FER: variants seen among roughly 807,000 people sequenced by gnomAD.
FER encodes tyrosine-protein kinase Fer.
A neutral mutation model predicts 111.0 loss-of-function variants in FER; 63 were observed. That is an observed-to-expected ratio of 0.57 (90% CI 0.46 to 0.70). The LOEUF (loss-of-function observed/expected upper bound fraction) is 0.70. Among genes scored for constraint, FER ranks in the 30% least tolerant of loss-of-function variants. The pLI, the probability that FER is intolerant of heterozygous loss-of-function variation, is 0.00. For missense variants in FER, 914 were observed against 954.0 expected, an observed-to-expected ratio of 0.96 and a Z score of 0.55; for synonymous variants, 327 against 313.9, an observed-to-expected ratio of 1.04 and a Z score of -0.44.
At chr5:109,008,636 T>C (rs1445193151) in intron 13 of FER, among the ~76,000 whole-genome samples, 1 of 152,194 alleles carries the variant, frequency 6.6e-6, no homozygotes, top group Admixed American at 6.5e-5. Flanking sequence ...AAAAAATATT[T>C]TGCGTATTTC....
intron 13 of FER, among the ~76,000 whole-genome samples, chr5:108,983,504 T>G (rs1762229790): frequency 6.6e-6 from 1 of 152,120 alleles, no homozygotes; most frequent in South Asian, 2.1e-4. Context: ...ATGAAATATA[T>G]GTAAAGTAGT....
intron 5 of FER, among the ~76,000 whole-genome samples, chr5:108,848,513 A>G (rs1762243120): frequency 1.3e-5 from 2 of 152,112 alleles, no homozygotes; most frequent in South Asian, 2.1e-4. Context: ...GTAATTTACT[A>G]TAATATACCT....
chr5:108,817,043 G>A (rs1233794573), intron 3 of FER, among the ~76,000 whole-genome samples: 3 of 133,142 alleles, frequency 2.3e-5, no homozygotes, highest in East Asian at 5.2e-4. Flanking sequence ...GGCAGAGGTT[G>A]CAGTTAGCAG....
chr5:108,914,481 A>G (rs947789785), intron 10 of FER, among the ~76,000 whole-genome samples: 2 of 152,186 alleles, frequency 1.3e-5, no homozygotes, highest in Admixed American at 6.5e-5. Flanking sequence ...AAAGTGTTGT[A>G]TTCTTCAGAT....
At chr5:109,069,364 A>C (rs1339807136) in intron 16 of FER, among the ~76,000 whole-genome samples, 1 of 152,218 alleles carries the variant, frequency 6.6e-6, no homozygotes, top group African/African-American at 2.4e-5. Flanking sequence ...AAGTTAGACG[A>C]CACATGGATA....
chr5:108,822,315 G>A (rs1234636675), intron 3 of FER, among the ~76,000 whole-genome samples: 1 of 152,076 alleles, frequency 6.6e-6, no homozygotes, highest in Non-Finnish European at 1.5e-5. Context: ...AATAATGCCT[G>A]TCCTAGTCCA....
rs1309353055 is a variant in FER at position 109,025,229 on chromosome 5, A to G, written c.1657-12193A>G. On this transcript the variant is annotated intron_variant, in intron 13 of 19. Coordinates refer to ENST00000281092, the MANE Select transcript of FER (RefSeq NM_005246.4). Reference sequence around the variant, plus strand: ...CTTGGGCAGTATGGCCATTTTCATGATATTGATTCTTCCTACCCATGAACA... The same window carrying G: ...CTTGGGCAGTATGGCCATTTTCATGGTATTGATTCTTCCTACCCATGAACA... Among the ~76,000 whole-genome samples, 10 of 151,986 alleles carry G rather than the reference A, an allele frequency of 6.6e-5. No individual in the cohort carries two copies. In the East Asian group the frequency reaches 1.7e-3, roughly 26 times the overall value.
intron 13 of FER, among the ~76,000 whole-genome samples, chr5:108,996,321 C>A (rs1763972524): frequency 6.6e-6 from 1 of 152,140 alleles, no homozygotes; most frequent in South Asian, 2.1e-4. Context: ...GTGTTTTAGT[C>A]CTGAAGTCTT....
chr5:108,820,511 T>C, intron 3 of FER: 1 of 985,402 alleles, frequency 1.0e-6, no homozygotes, highest in South Asian at 4.7e-5. Flanking sequence ...TGGAAAAGTA[T>C]TGGGAAAGAA....
Position 109,171,999 on chromosome 5 carries a change from G to C in FER, c.2049-8748G>C, listed in dbSNP as rs538804464. 7.9e-5 allele frequency among the ~76,000 whole-genome samples: 12 copies of C among 152,280 alleles called. No individual in the cohort carries two copies. The East Asian group carries it at 2.1e-3, about 27-fold the overall frequency. On this transcript the variant is annotated intron_variant, in intron 17 of 19. Coordinates refer to ENST00000281092, the MANE Select transcript of FER (RefSeq NM_005246.4). ...TCAGGAAACAACAGGTGCTGGAGAG[G>C]ATGTGGAGAAATAGGAACACTTTTA...
Position 109,170,469 on chromosome 5 carries a change from CT to C in FER, c.2049-10277del, listed in dbSNP as rs1251524918. Among the ~76,000 whole-genome samples the C allele has an allele frequency of 5.4e-3, 816 of 152,280 alleles. 13 individuals are homozygous for C. The highest frequency in any genetic ancestry group is 0.018 in the African/African-American group (749 of 41,554). ...GCTTTGGAGCAAAACAGATTCCATA[CT>C]CAGCCACTTACCAGCTATGTGATCT... On this transcript the variant is annotated intron_variant, in intron 17 of 19. Transcript: ENST00000281092.
chr5:108,892,606 T>A (rs1321197873), intron 9 of FER, among the ~76,000 whole-genome samples: 67 of 152,184 alleles, frequency 4.4e-4, no homozygotes, highest in Non-Finnish European at 1.8e-4. Context: ...ATTTTCTCTC[T>A]TTCTGTAGGT....
chr5:109,125,888 G>A (rs1437156122), intron 17 of FER, among the ~76,000 whole-genome samples: 1 of 152,182 alleles, frequency 6.6e-6, no homozygotes, highest in Non-Finnish European at 1.5e-5. Context: ...TCACCTGACT[G>A]TTTCGGGACT....
At position 109,066,893 on chromosome 5, in the gene FER, A is replaced by G. The variant is rs148586807; in HGVS notation, c.1924+19695A>G. Among the ~76,000 whole-genome samples, 1,079 of 152,170 alleles carry G rather than the reference A, an allele frequency of 7.1e-3. 2 individuals carry two copies. The highest frequency in any genetic ancestry group is 9.6e-3 in the Non-Finnish European group (650 of 67,988). ...CAAATTTATTTCAAATTTTGATATG[A>G]AAAAAAGTGATCAGAGGGATGGTAG... On this transcript the variant is annotated intron_variant, in intron 16 of 19. Transcript: ENST00000281092.
chr5:109,186,365 A>G (rs757553437), intron 19 of FER, 43 bp downstream of exon 19: 5 of 1,613,828 alleles, frequency 3.1e-6, no homozygotes, highest in Non-Finnish European at 3.4e-6. Context: ...GTCCAGCCCC[A>G]GGGGTAGGCA....
intron 13 of FER, among the ~76,000 whole-genome samples, chr5:108,984,872 T>C (rs1294104179): frequency 6.6e-6 from 1 of 151,998 alleles, no homozygotes; most frequent in Non-Finnish European, 1.5e-5. Flanking sequence ...GAATTACATA[T>C]AAAATCAAGT....
intron 17 of FER, among the ~76,000 whole-genome samples, chr5:109,101,705 T>G (rs747624590): frequency 6.6e-6 from 1 of 152,164 alleles, no homozygotes; most frequent in Non-Finnish European, 1.5e-5. Flanking sequence ...GACTGTAGAT[T>G]GAATCACATG....
chr5:108,985,424 G>T (rs1762458721), intron 13 of FER, among the ~76,000 whole-genome samples: 1 of 151,372 alleles, frequency 6.6e-6, no homozygotes, highest in Non-Finnish European at 1.5e-5. Flanking sequence ...CTTTTTAAAA[G>T]TTTTTTTTTC....
Position 109,072,459 on chromosome 5 carries a change from A to G in FER, c.1924+25261A>G, listed in dbSNP as rs77817547. On this transcript the variant is annotated intron_variant, in intron 16 of 19. Coordinates refer to ENST00000281092, the MANE Select transcript of FER (RefSeq NM_005246.4). ...TAATCCCTCTGGGTTTGTTCCCAGG[A>G]CTTTGAAAACTCAGATTGTGCGGTA... is the stretch of plus-strand genomic sequence containing the variant. Among the ~76,000 whole-genome samples the G allele has an allele frequency of 9.8e-3, 1,491 of 151,746 alleles. 19 individuals are homozygous for G. Among genetic ancestry groups the G allele is most frequent in the African/African-American group, 0.034 (1,415 of 41,450 alleles).
Sources: allele counts gnomAD v4.1 joint callset (sites outside exome capture counted in the v4.1 genomes callset), GRCh38; gene constraint gnomAD v4.1.1; transcripts MANE v1.5; gene names NCBI Gene and HGNC (gene_info 2026-07-23, HGNC 2026-07-21).